KLHL29: variants seen among roughly 807,000 people sequenced by gnomAD.
The protein encoded by KLHL29 is kelch-like protein 29.
A neutral mutation model predicts 80.4 loss-of-function variants in KLHL29; 21 were observed. The ratio of observed to expected loss-of-function variants is 0.26; its 90% CI spans 0.19 to 0.38. The LOEUF is 0.38. Among genes scored for constraint, KLHL29 ranks in the 10% least tolerant of loss-of-function variants. The pLI is 1.00. For missense variants in KLHL29, 867 were observed against 1,223.9 expected (o/e 0.71, Z 4.35); for synonymous variants, 511 against 526.8 (o/e 0.97, Z 0.41).
chr2:23,601,281 G>A (rs17045683), intron 3 of KLHL29, among the ~76,000 whole-genome samples: 4,460 of 152,302 alleles, frequency 0.029, 445 homozygotes, highest in Admixed American at 0.21. Flanking sequence ...GCTCAGCCGA[G>A]AAAATTCATT....
intron 2 of KLHL29, among the ~76,000 whole-genome samples, chr2:23,482,090 C>T (rs373080672): frequency 1.4e-4 from 22 of 152,168 alleles, no homozygotes; most frequent in Middle Eastern, 3.4e-3. Flanking sequence ...AAACAGCAGG[C>T]GGAGATTGTC....
intron 1 of KLHL29, among the ~76,000 whole-genome samples, chr2:23,421,973 G>C (rs1468232788): frequency 7.6e-6 from 1 of 132,222 alleles, no homozygotes; most frequent in Admixed American, 7.2e-5. Flanking sequence ...GTCATATGTT[G>C]TGTGTGTGTT....
intron 1 of KLHL29, among the ~76,000 whole-genome samples, chr2:23,468,018 A>T (rs771586440): frequency 2.6e-5 from 4 of 152,054 alleles, no homozygotes; most frequent in Non-Finnish European, 5.9e-5. Flanking sequence ...TTCAATGAGC[A>T]GGCATGATCA....
chr2:23,575,277 A>G (rs1667815415), intron 3 of KLHL29, among the ~76,000 whole-genome samples: 1 of 152,228 alleles, frequency 6.6e-6, no homozygotes, highest in South Asian at 2.1e-4. Flanking sequence ...TTAGCTATCC[A>G]TATTCAGAGG....
chr2:23,679,051 T>A (rs1161845197), intron 5 of KLHL29, among the ~76,000 whole-genome samples: 17 of 141,770 alleles, frequency 1.2e-4, no homozygotes, highest in African/African-American at 1.1e-4. Context: ...TTACCACAAC[T>A]AAAAAAAAAA....
chr2:23,657,246 C>A (rs935769211), intron 5 of KLHL29, among the ~76,000 whole-genome samples: 1 of 152,212 alleles, frequency 6.6e-6, no homozygotes, highest in Non-Finnish European at 1.5e-5. Flanking sequence ...ATTCCCCCAA[C>A]CCGGGCACAT....
intron 4 of KLHL29, 28 bp downstream of exon 4, chr2:23,639,308 G>T (rs775149784): frequency 6.5e-7 from 1 of 1,542,006 alleles, no homozygotes; most frequent in Admixed American, 2.1e-5. Context: ...AGATAGAAAC[G>T]ACTGAGCCCA....
In KLHL29 at chr2:23,682,939, A is replaced by AC. The variant is rs1671132073; in HGVS notation, c.941-1459dup. ...CAGGGCCCCCAACCCCGATCCCTGA[A>AC]CATGCATGTGGCGTGTTCTCCAGGA... is the stretch of plus-strand genomic sequence containing the variant. On this transcript the variant is annotated intron_variant, in intron 5 of 13. Coordinates refer to ENST00000486442, the MANE Select transcript of KLHL29 (RefSeq NM_052920.2). The surrounding 1 kb of genome is among the most constrained non-coding windows in gnomAD (Gnocchi z 4.1). Among the ~76,000 whole-genome samples, 1 of 152,106 alleles carries AC rather than the reference A, an allele frequency of 6.6e-6. No individual in the cohort carries two copies. Among genetic ancestry groups the AC allele is most frequent in the African/African-American group, 2.4e-5 (1 of 41,396 alleles).
chr2:23,532,567 T>C (rs1466124654), intron 2 of KLHL29: 1 of 456,640 alleles, frequency 2.2e-6, no homozygotes, highest in African/African-American at 2.0e-5. Context: ...ACTTTCACTT[T>C]CCTTTGAAGC....
intron 1 of KLHL29, among the ~76,000 whole-genome samples, chr2:23,404,440 T>A (rs1160952124): frequency 9.9e-5 from 15 of 152,248 alleles, no homozygotes. Flanking sequence ...ATTTTTGCTT[T>A]AACAAAGCAT....
chr2:23,637,376 G>A (rs559736843), intron 3 of KLHL29, among the ~76,000 whole-genome samples: 1 of 152,092 alleles, frequency 6.6e-6, no homozygotes, highest in Non-Finnish European at 1.5e-5. Context: ...TAGTGAGTGC[G>A]GCTAAGTCCC....
intron 1 of KLHL29, among the ~76,000 whole-genome samples, chr2:23,438,955 AG>A (rs1663428416): frequency 6.8e-6 from 1 of 146,236 alleles, no homozygotes; most frequent in African/African-American, 2.6e-5. Flanking sequence ...TCTTTTTGGT[AG>A]GTAAGCTATT....
intron 1 of KLHL29, among the ~76,000 whole-genome samples, chr2:23,440,276 T>C (rs1222742310): frequency 6.6e-6 from 1 of 152,064 alleles, no homozygotes; most frequent in Non-Finnish European, 1.5e-5. Context: ...GCTAGCCATA[T>C]GTAGAAAGCT....
At chr2:23,392,061 A>T (rs893409573) in intron 1 of KLHL29, among the ~76,000 whole-genome samples, 8 of 152,214 alleles carry the variant, frequency 5.3e-5, no homozygotes, top group African/African-American at 1.9e-4. Flanking sequence ...TCTTTTATGA[A>T]ATTGGAAGAA....
Position 23,706,517 on chromosome 2 carries a change from A to G in KLHL29, c.2481A>G (p.Gly827=). The change falls in exon 14 of 14, where the codon GGA becomes GGG. Residue 827 remains glycine (G), a synonymous_variant. Coordinates refer to ENST00000486442, the MANE Select transcript of KLHL29 (RefSeq NM_052920.2). ...TTGATGGCAAGATTTATGCAACTGGAGGTATTGTCAGCAGTGAAGGGCCCG... is the reference window on the plus strand; with the variant it reads ...TTGATGGCAAGATTTATGCAACTGGGGGTATTGTCAGCAGTGAAGGGCCCG... ...VVLDGKIYAT[G]GIVSSEGPAL... The G allele has an allele frequency of 6.5e-7, 1 of 1,535,010 alleles. No homozygotes were observed. Among genetic ancestry groups the G allele is most frequent in the Non-Finnish European group, 8.7e-7 (1 of 1,145,846 alleles).
At chr2:23,397,609 A>C (rs921413683) in intron 1 of KLHL29, among the ~76,000 whole-genome samples, 5 of 152,248 alleles carry the variant, frequency 3.3e-5, no homozygotes, top group African/African-American at 9.6e-5. Context: ...GTTGCCCATC[A>C]GGCCCTTATT....
chr2:23,410,116 A>G (rs766858030), intron 1 of KLHL29, among the ~76,000 whole-genome samples: 2 of 152,238 alleles, frequency 1.3e-5, no homozygotes, highest in Admixed American at 1.3e-4. Flanking sequence ...GTCTAGCCGC[A>G]TAAGTATGCT....
At chr2:23,691,268 G>A (rs3795939) in intron 6 of KLHL29, 22 of 259,242 alleles carry the variant, frequency 8.5e-5, no homozygotes, top group South Asian at 4.3e-4. Flanking sequence ...CCTGGGTCAC[G>A]TTGGAGAATC....
chr2:23,493,644 A>C (rs1246211280), intron 2 of KLHL29, among the ~76,000 whole-genome samples: 1 of 151,224 alleles, frequency 6.6e-6, no homozygotes, highest in Admixed American at 6.6e-5. Flanking sequence ...TGTGTGTGTG[A>C]GTGTGTGTGT....
Sources: gnomAD v4.1 joint callset for allele counts (sites outside exome capture counted in the v4.1 genomes callset) on GRCh38, gnomAD v4.1.1 for gene constraint, Gnocchi (gnomAD v3.1) non-coding constraint, MANE v1.5 for transcripts, NCBI Gene and HGNC (gene_info 2026-07-23, HGNC 2026-07-21) for gene names.